The following DCUN1D3 variants were observed in gnomAD, a reference collection of about 807,000 sequenced individuals.
DCUN1D3 encodes the protein DCN1-like protein 3.
DCUN1D3 carries 6 observed loss-of-function variants against 24.8 expected under a neutral mutation model. That is an observed-to-expected ratio of 0.24 (90% confidence interval 0.13 to 0.48). The LOEUF is 0.48. Among genes scored for constraint, DCUN1D3 ranks in the 20% least tolerant of loss-of-function variants. The pLI is 0.99. For synonymous variants in DCUN1D3, 120 were observed against 144.9 expected, an observed-to-expected ratio of 0.83 and a Z score of 1.24; for missense variants, 258 against 379.4, an observed-to-expected ratio of 0.68 and a Z score of 2.66.
intron 1 of DCUN1D3, among the ~76,000 whole-genome samples, chr16:20,871,590 T>C (rs1013445420): frequency 2.0e-5 from 3 of 152,208 alleles, no homozygotes; most frequent in Non-Finnish European, 4.4e-5. Context: ...CAGTGTGGGC[T>C]GGCTAGAACA....
intron 1 of DCUN1D3, among the ~76,000 whole-genome samples, chr16:20,866,250 A>C (rs1437646221): frequency 6.6e-6 from 1 of 152,178 alleles, no homozygotes; most frequent in Non-Finnish European, 1.5e-5. Context: ...GTTCCTAAAG[A>C]CTAGAATGCT....
Position 20,890,491 on chromosome 16 carries a change from T to C in DCUN1D3, c.-106+9713A>G, listed in dbSNP as rs1037076047. 2.0e-5 allele frequency among the ~76,000 whole-genome samples: 3 copies of C among 152,022 alleles called. No individual in the cohort carries two copies. The South Asian group carries it at 6.2e-4, about 31-fold the overall frequency. On this transcript the variant is annotated intron_variant, in intron 1 of 2. Coordinates refer to ENST00000324344, the MANE Select transcript of DCUN1D3 (RefSeq NM_173475.4). ...AAAATTTTTTTTAACTAGCCAGCCA[T>C]GGAGGTGTGTGCCTCTGGTCCTAGC...
rs536998869 is a variant in DCUN1D3, at chr16:20,878,379, AC to A, written c.-105-15737del. On this transcript the variant is annotated intron_variant, in intron 1 of 2. Coordinates refer to ENST00000324344, the MANE Select transcript of DCUN1D3 (RefSeq NM_173475.4). ...CCTGTCATGTCTCTTTTTGACCTGTACCTCAGGATCTTAGAAAAAATTCACA... is the reference window on the plus strand; with the variant it reads ...CCTGTCATGTCTCTTTTTGACCTGTACTCAGGATCTTAGAAAAAATTCACA... Among the ~76,000 whole-genome samples, 12 of 152,256 alleles carry A rather than the reference AC, an allele frequency of 7.9e-5. No homozygotes were observed. In the East Asian group the frequency reaches 2.1e-3, roughly 27 times the overall value.
chr16:20,868,560 C>T (rs547082509), intron 1 of DCUN1D3, among the ~76,000 whole-genome samples: 2 of 152,316 alleles, frequency 1.3e-5, no homozygotes, highest in Non-Finnish European at 2.9e-5. Context: ...ATGCTCTGCT[C>T]AATACCTGAC....
chr16:20,871,647 T>G (rs1342157631), intron 1 of DCUN1D3, among the ~76,000 whole-genome samples: 5 of 152,208 alleles, frequency 3.3e-5, no homozygotes. Flanking sequence ...GCACATACTA[T>G]AAAGTTTCCA....
chr16:20,885,298 C>A (rs1445801151), intron 1 of DCUN1D3, among the ~76,000 whole-genome samples: 1 of 152,036 alleles, frequency 6.6e-6, no homozygotes, highest in Admixed American at 6.6e-5. Context: ...TTAACCTAAT[C>A]TTCACTAGTA....
chr16:20,864,293 AG>A (rs879122833), intron 1 of DCUN1D3, among the ~76,000 whole-genome samples: 1 of 152,214 alleles, frequency 6.6e-6, no homozygotes, highest in Non-Finnish European at 1.5e-5. Context: ...AATTTACAAG[AG>A]AAAAACAAAT....
chr16:20,883,016 T>C (rs2081852142), intron 1 of DCUN1D3, among the ~76,000 whole-genome samples: 1 of 152,224 alleles, frequency 6.6e-6, no homozygotes, highest in African/African-American at 2.4e-5. Context: ...AGACCAGAAG[T>C]GTTCTGGATT....
At chr16:20,885,879 T>C (rs1400275774) in intron 1 of DCUN1D3, among the ~76,000 whole-genome samples, 1 of 152,146 alleles carries the variant, frequency 6.6e-6, no homozygotes, top group Non-Finnish European at 1.5e-5. Flanking sequence ...CTTGAATCCA[T>C]GCACTGGCTT....
Position 20,882,821 on chromosome 16 carries a change from G to A in DCUN1D3, c.-106+17383C>T, listed in dbSNP as rs144493391. 1.5e-3 allele frequency among the ~76,000 whole-genome samples: 231 copies of A among 152,270 alleles called. 1 individual carries two copies. The highest frequency in any genetic ancestry group is 5.4e-3 in the African/African-American group (223 of 41,546). ...ACAACCATGAAAGCATTACATTTTG[G>A]AGGCCAACATTTTTTAGCTTACAAA... On this transcript the variant is annotated intron_variant, in intron 1 of 2. Transcript: ENST00000324344.
chr16:20,892,757 G>T (rs1055752624), intron 1 of DCUN1D3, among the ~76,000 whole-genome samples: 1 of 151,956 alleles, frequency 6.6e-6, no homozygotes, highest in African/African-American at 2.4e-5. Flanking sequence ...GGTTGGTTTG[G>T]GGGGGAAAAA....
intron 1 of DCUN1D3, among the ~76,000 whole-genome samples, chr16:20,869,424 T>G (rs1442015663): frequency 6.6e-6 from 1 of 152,214 alleles, no homozygotes; most frequent in African/African-American, 2.4e-5. Context: ...ATGCTTCATA[T>G]TCATCATCAC....
Position 20,860,133 on chromosome 16 carries a change from T to C in DCUN1D3, c.668A>G (p.Gln223Arg). ...FTQNNPPVLD[Q>R]WLNFLTENPS... ...GTTCTCTGTTAGGAAGTTTAGCCAT[T>C]GGTCCAATACCGGAGGATTGTTCTG... Residue 223 changes from glutamine to arginine, a missense_variant, in exon 3 of 3, where the codon CAA (glutamine) becomes CGA (arginine). Physicochemically the swap from Gln to Arg is conservative, Grantham distance 43. Transcript: ENST00000324344. This position sits in a 1 kb window ranked among gnomAD's most constrained non-coding sequence, Gnocchi z 4.3. 6.2e-7 allele frequency: 1 copy of C among 1,614,262 alleles called. No homozygotes were observed. The highest frequency in any genetic ancestry group is 1.7e-5 in the Admixed American group (1 of 60,030).
At chr16:20,889,592 AT>A (rs1188746625) in intron 1 of DCUN1D3, among the ~76,000 whole-genome samples, 1 of 152,196 alleles carries the variant, frequency 6.6e-6, no homozygotes, top group Non-Finnish European at 1.5e-5. Context: ...ACAATTGTTA[AT>A]TATCATTTAA....
intron 1 of DCUN1D3, among the ~76,000 whole-genome samples, chr16:20,897,976 T>G (rs1467963711): frequency 6.6e-6 from 1 of 152,216 alleles, no homozygotes; most frequent in Non-Finnish European, 1.5e-5. Context: ...TTTGTTTGCC[T>G]ACCTATTCTG....
intron 1 of DCUN1D3, among the ~76,000 whole-genome samples, chr16:20,895,197 C>G (rs537956841): frequency 9.9e-5 from 15 of 152,274 alleles, no homozygotes; most frequent in African/African-American, 3.6e-4. Context: ...TGGGTTCAAG[C>G]AATTCTCCTG....
chr16:20,860,115 G>A lies in DCUN1D3; in HGVS notation c.686C>T (p.Thr229Ile), dbSNP rs149680095. Reference sequence around the variant, plus strand: ...GCCCTTGATCCCCGAGGGGTTCTCTGTTAGGAAGTTTAGCCATTGGTCCAA... The same window carrying A: ...GCCCTTGATCCCCGAGGGGTTCTCTATTAGGAAGTTTAGCCATTGGTCCAA... ...PVLDQWLNFL[T>I]ENPSGIKGIS... Residue 229 changes from threonine (T) to isoleucine (I), a missense_variant, in exon 3 of 3, where the codon ACA becomes ATA. Coordinates refer to ENST00000324344, the MANE Select transcript of DCUN1D3 (RefSeq NM_173475.4). The surrounding 1 kb of genome is among the most constrained non-coding windows in gnomAD (Gnocchi z 4.3). 6 of 1,614,142 alleles carry A rather than the reference G, an allele frequency of 3.7e-6. No individual in the cohort carries two copies. The highest frequency in any genetic ancestry group is 1.7e-5 in the Admixed American group (1 of 60,006).
intron 2 of DCUN1D3, 50 bp downstream of exon 2, chr16:20,862,058 T>C: frequency 6.3e-7 from 1 of 1,592,364 alleles, no homozygotes; most frequent in Non-Finnish European, 8.6e-7. Flanking sequence ...CCCAATGCTG[T>C]TCCCTTTCCT....
chr16:20,876,054 C>T (rs925514809), intron 1 of DCUN1D3, among the ~76,000 whole-genome samples: 7 of 152,096 alleles, frequency 4.6e-5, no homozygotes, highest in Admixed American at 3.3e-4. Flanking sequence ...CAACCAATCA[C>T]CTCCGAGGTT....
Sources: gnomAD v4.1 joint callset for allele counts (sites outside exome capture counted in the v4.1 genomes callset) on GRCh38, gnomAD v4.1.1 for gene constraint, Gnocchi (gnomAD v3.1) non-coding constraint, MANE v1.5 for transcripts, NCBI Gene and HGNC (gene_info 2026-07-23, HGNC 2026-07-21) for gene names.